The following SLC45A4 variants were observed in gnomAD, a reference collection of about 807,000 sequenced individuals.
SLC45A4 encodes the protein polyamine-transporter SLC45A4.
SLC45A4 carries 32 observed loss-of-function variants against 63.7 expected under a neutral mutation model. The ratio of observed to expected loss-of-function variants is 0.50; its 90% confidence interval spans 0.38 to 0.67. SLC45A4 has a LOEUF of 0.67. SLC45A4 is among the 30% of genes least tolerant of loss of function. SLC45A4 has a pLI of 0.00. For missense variants in SLC45A4, 1,027 were observed against 1,157.7 expected, an observed-to-expected ratio of 0.89 and a Z score of 1.64; for synonymous variants, 535 against 510.0, an observed-to-expected ratio of 1.05 and a Z score of -0.66.
Position 141,216,086 on chromosome 8 carries a change from T to C in SLC45A4, c.1730-116A>G, listed in dbSNP as rs1028983227. 2.7e-5 allele frequency: 25 copies of C among 920,624 alleles called. No homozygotes were observed. The African/African-American group carries it at 3.3e-4, about 12-fold the overall frequency. The allele number at this position is 920,624 out of a possible 1,614,324, so 57.0% of individuals were successfully genotyped here. A position where few individuals can be genotyped will look rare whatever the true frequency, so the allele number is the denominator to read the frequency against. ...CCCCCCGACCTCCACTCCTTCCAGC[T>C]GAACCCAGACCTGGTCAGGCAGGCA... On this transcript the variant is annotated intron_variant, in intron 6 of 8. Coordinates refer to ENST00000517878, the MANE Select transcript of SLC45A4 (RefSeq NM_001286646.2).
At chr8:141,212,591 G>A (rs1371841694) in intron 7 of SLC45A4, 35 bp from the exon 8 acceptor site, 15 of 1,558,178 alleles carry the variant, frequency 9.6e-6, no homozygotes, top group African/African-American at 1.4e-5. Flanking sequence ...GTGAGCGGCT[G>A]GAGAAGGTGG....
In SLC45A4 at chr8:141,229,390, C is replaced by G. The variant is rs139662229; in HGVS notation, c.242-7625G>C. Among the ~76,000 whole-genome samples, 3 of 152,080 alleles carry G rather than the reference C, an allele frequency of 2.0e-5. No homozygotes were observed. Among genetic ancestry groups the G allele is most frequent in the Non-Finnish European group, 2.9e-5 (2 of 68,012 alleles). ...TTCCCTCTCCACACCAGACTCCAAC[C>G]GCCCACCCCACCCTACCTCCTCTTC... On this transcript the variant is annotated intron_variant, in intron 2 of 8. Transcript: ENST00000517878. This position sits in a 1 kb window ranked among gnomAD's most constrained non-coding sequence, Gnocchi z 5.0.
In SLC45A4 at chr8:141,229,938, G is replaced by T; in HGVS notation, c.242-8173C>A. 2.4e-6 allele frequency: 1 copy of T among 409,438 alleles called. No individual in the cohort carries two copies. The highest frequency in any genetic ancestry group is 1.8e-5 in the South Asian group (1 of 56,206). The allele number at this position is 409,438 out of a possible 1,614,324, so 25.4% of individuals were successfully genotyped here. ...GAGAACATGGTGCGCACAGCTCAGC[G>T]CTGGACACTAGATCCCTGCCTGCAC... On this transcript the variant is annotated intron_variant, in intron 2 of 8. Transcript: ENST00000517878. The surrounding 1 kb of genome is among the most constrained non-coding windows in gnomAD (Gnocchi z 5.0).
At chr8:141,230,614 C>A (rs1431139930) in intron 2 of SLC45A4, among the ~76,000 whole-genome samples, 2 of 152,242 alleles carry the variant, frequency 1.3e-5, no homozygotes, top group African/African-American at 4.8e-5. Flanking sequence ...CAGGCCAGTG[C>A]TGCCTCTGCC....
chr8:141,216,150 G>A (rs555344683), intron 6 of SLC45A4, among the ~76,000 whole-genome samples, 180 bp from the exon 7 acceptor site: 5 of 151,440 alleles, frequency 3.3e-5, no homozygotes, highest in Non-Finnish European at 7.4e-5. Context: ...TGTAGCTCAC[G>A]GGCCCGCTGG....
intron 2 of SLC45A4, among the ~76,000 whole-genome samples, chr8:141,244,953 T>TGGGGGG (rs1332452740): frequency 3.6e-5 from 1 of 27,758 alleles, no homozygotes; most frequent in Non-Finnish European, 6.1e-5. Flanking sequence ...CAAGAAGACG[T>TGGGGGG]GGGTGGGGGG....
At chr8:141,230,518 A>T (rs181989085) in intron 2 of SLC45A4, among the ~76,000 whole-genome samples, 3 of 152,246 alleles carry the variant, frequency 2.0e-5, no homozygotes, top group African/African-American at 7.2e-5. Context: ...GAAGGTCTGA[A>T]GCCCCAAGCG....
Position 141,304,573 on chromosome 8 carries a change from A to AGGG in SLC45A4, c.-401+3520_-401+3522dup, listed in dbSNP as rs376314641. ...GACTGTCTCAAAAAAAAAAAAAAAA[A>AGGG]GGGGGGGAGAGAGAGAACTTCCTCT... On this transcript the variant is annotated intron_variant, in intron 1 of 8. Coordinates refer to ENST00000517878, the MANE Select transcript of SLC45A4 (RefSeq NM_001286646.2). 3.7e-4 allele frequency among the ~76,000 whole-genome samples: 48 copies of AGGG among 128,972 alleles called. 1 individual carries two copies. The highest frequency in any genetic ancestry group is 7.2e-4 in the South Asian group (3 of 4,162). The allele number at this position is 128,972 out of a possible 152,430, so 84.6% of individuals were successfully genotyped here. A position where few individuals can be genotyped will look rare whatever the true frequency, so the allele number is the denominator to read the frequency against.
Position 141,256,651 on chromosome 8 carries a change from A to C in SLC45A4, c.-400-2022T>G. 1 of 456,206 alleles carries C rather than the reference A, an allele frequency of 2.2e-6. No homozygotes were observed. Among genetic ancestry groups the C allele is most frequent in the Non-Finnish European group, 4.4e-6 (1 of 226,904 alleles). 28.3% of individuals were successfully genotyped at this position (456,206 alleles called of 1,614,324 possible). A position where few individuals can be genotyped will look rare whatever the true frequency, so the allele number is the denominator to read the frequency against. ...TGCAGCGGAAACCAGAATGCCTACT[A>C]ATTCCTTAAGAACCAAAGGTTCAAG... On this transcript the variant is annotated intron_variant, in intron 1 of 8. Transcript: ENST00000517878. The surrounding 1 kb of genome is among the most constrained non-coding windows in gnomAD (Gnocchi z 4.3).
rs1826080349 is a variant in SLC45A4 at position 141,215,430 on chromosome 8, G to A, written c.1941+329C>T. ...GGGTGGCTTTCCTCCCATCCAAGTG[G>A]AAAACACGGGGCTGGAGCTTCCCCC... is the stretch of plus-strand genomic sequence containing the variant. On this transcript the variant is annotated intron_variant, in intron 7 of 8. Coordinates refer to ENST00000517878, the MANE Select transcript of SLC45A4 (RefSeq NM_001286646.2). The surrounding 1 kb of genome is among the most constrained non-coding windows in gnomAD (Gnocchi z 4.3). 6.6e-6 allele frequency among the ~76,000 whole-genome samples: 1 copy of A among 152,170 alleles called. No individual in the cohort carries two copies. The highest frequency in any genetic ancestry group is 6.5e-5 in the Admixed American group (1 of 15,278).
intron 2 of SLC45A4, among the ~76,000 whole-genome samples, chr8:141,241,906 G>A (rs914555894): frequency 2.0e-5 from 3 of 152,216 alleles, no homozygotes; most frequent in Non-Finnish European, 2.9e-5. Context: ...CATTCCTGCC[G>A]GGACACAGAT....
At chr8:141,265,833 G>T (rs1053599105) in intron 1 of SLC45A4, among the ~76,000 whole-genome samples, 9 of 152,154 alleles carry the variant, frequency 5.9e-5, no homozygotes, top group Admixed American at 4.6e-4. Flanking sequence ...GCTTCCCTTT[G>T]GAATCTGTTC....
intron 1 of SLC45A4, among the ~76,000 whole-genome samples, chr8:141,291,048 C>T (rs544847745): frequency 4.1e-4 from 62 of 152,268 alleles, no homozygotes; most frequent in Non-Finnish European, 8.5e-4. Context: ...GGGGTTTCAC[C>T]ATGTTGGCCA....
Position 141,219,723 on chromosome 8 carries a change from G to T in SLC45A4, c.537C>A (p.Ile179=). The T allele has an allele frequency of 6.2e-7, 1 of 1,610,312 alleles. No individual in the cohort carries two copies. The highest frequency in any genetic ancestry group is 8.5e-7 in the Non-Finnish European group (1 of 1,178,586). The part of the protein sequence containing the change: ...DFSADATEGP[I]RAYLLDVVDS... ...CCACCACGTCCAGCAGATAGGCACG[G>T]ATGGGCCCCTCGGTGGCATCGGCGC... Residue 179 remains isoleucine (I), a synonymous_variant, in exon 4 of 9, where the codon ATC becomes ATA. Coordinates refer to ENST00000517878, the MANE Select transcript of SLC45A4 (RefSeq NM_001286646.2).
rs368196904 is a variant in SLC45A4, at chr8:141,231,016, C to T, written c.242-9251G>A. Among the ~76,000 whole-genome samples, 334 of 152,348 alleles carry T rather than the reference C, an allele frequency of 2.2e-3. 3 individuals carry two copies. The highest frequency in any genetic ancestry group is 7.3e-3 in the African/African-American group (302 of 41,586). ...AGTGAGGCATTTCCCCCACCCCGCCCGGCCTCTCTCTTCTCCCCTGTAAAA... is the reference window on the plus strand; with the variant it reads ...AGTGAGGCATTTCCCCCACCCCGCCTGGCCTCTCTCTTCTCCCCTGTAAAA... On this transcript the variant is annotated intron_variant, in intron 2 of 8. Coordinates refer to ENST00000517878, the MANE Select transcript of SLC45A4 (RefSeq NM_001286646.2).
chr8:141,305,334 C>T (rs1830865185), intron 1 of SLC45A4, among the ~76,000 whole-genome samples: 1 of 152,190 alleles, frequency 6.6e-6, no homozygotes, highest in Non-Finnish European at 1.5e-5. Flanking sequence ...TTCCTTTCTA[C>T]AAGGCTGCTC....
rs752835712 is a variant in SLC45A4 at position 141,215,860 on chromosome 8, C to T, written c.1840G>A (p.Val614Ile). The change falls in exon 7 of 9, where the codon GTC (valine) becomes ATC (isoleucine). Residue 614 changes from valine to isoleucine, a missense_variant. Coordinates refer to ENST00000517878, the MANE Select transcript of SLC45A4 (RefSeq NM_001286646.2). The surrounding 1 kb of genome is among the most constrained non-coding windows in gnomAD (Gnocchi z 4.3). Reference sequence around the variant, plus strand: ...CTGATGGTGACCATGGCGACGTAGACGTTGGGAAACATGGCCATCACGGCT... The same window carrying T: ...CTGATGGTGACCATGGCGACGTAGATGTTGGGAAACATGGCCATCACGGCT... ...GTAVMAMFPNVYVAMVTISTM... is the reference protein window; with the variant it reads ...GTAVMAMFPNIYVAMVTISTM... The T allele has an allele frequency of 1.4e-5, 23 of 1,614,050 alleles. No individual in the cohort carries two copies. Among genetic ancestry groups the T allele is most frequent in the Admixed American group, 6.7e-5 (4 of 60,006 alleles).
chr8:141,238,894 G>C (rs964337711), intron 2 of SLC45A4, among the ~76,000 whole-genome samples: 3 of 152,202 alleles, frequency 2.0e-5, no homozygotes, highest in African/African-American at 7.2e-5. Context: ...CAGACTGTGG[G>C]AGGTGCTATG....
chr8:141,254,140 G>A lies in SLC45A4; in HGVS notation c.90C>T (p.Gly30=), dbSNP rs1210522784. ...VPLPDPQKAG[G]AEAENCETIS... Reference sequence around the variant, plus strand: ...TGGTCTCGCAGTTCTCGGCCTCTGCGCCTCCGGCTTTCTGCGGGTCCGGCA... The same window carrying A: ...TGGTCTCGCAGTTCTCGGCCTCTGCACCTCCGGCTTTCTGCGGGTCCGGCA... Residue 30 remains glycine (G), a synonymous_variant, in exon 2 of 9, where the codon GGC becomes GGT. Transcript: ENST00000517878. The surrounding 1 kb of genome is among the most constrained non-coding windows in gnomAD (Gnocchi z 4.5). 5.9e-6 allele frequency: 9 copies of A among 1,536,000 alleles called. No homozygotes were observed. The highest frequency in any genetic ancestry group is 3.6e-5 in the South Asian group (3 of 84,064).
Sources: allele counts gnomAD v4.1 joint callset (sites outside exome capture counted in the v4.1 genomes callset), GRCh38; gene constraint gnomAD v4.1.1; non-coding constraint Gnocchi (gnomAD v3.1); transcripts MANE v1.5; gene names NCBI Gene and HGNC (gene_info 2026-07-23, HGNC 2026-07-21).